The following KIAA1217 variants were observed in gnomAD, a reference collection of about 807,000 sequenced individuals.
KIAA1217 encodes the protein sickle tail protein homolog.
A neutral mutation model predicts 163.9 loss-of-function variants in KIAA1217; 88 were observed. The observed-to-expected ratio is 0.54, with a 90% CI of 0.45 to 0.64. The LOEUF (loss-of-function observed/expected upper bound fraction) is 0.64. Ranked by LOEUF, KIAA1217 falls within the 30% of genes least tolerant of loss-of-function variation. The pLI is 0.00. For missense variants in KIAA1217, 2,372 were observed against 2,475.0 expected, an observed-to-expected ratio of 0.96 and a Z score of 0.88; for synonymous variants, 903 against 923.1, an observed-to-expected ratio of 0.98 and a Z score of 0.39.
upstream of KIAA1217, among the ~76,000 whole-genome samples, chr10:24,205,527 A>C (rs575817427): frequency 5.3e-5 from 8 of 152,028 alleles, no homozygotes; most frequent in South Asian, 1.7e-3. Context: ...TAGTCCCAGC[A>C]CTTTGGGAGC....
At chr10:24,270,308 G>T (rs2076649777) in intron 2 of KIAA1217, among the ~76,000 whole-genome samples, 1 of 152,176 alleles carries the variant, frequency 6.6e-6, no homozygotes, top group South Asian at 2.1e-4. Context: ...ATATGAGCTT[G>T]GTCATAGGTG....
intron 10 of KIAA1217, 101 bp from the exon 11 acceptor site, chr10:24,520,022 G>T: frequency 7.4e-7 from 1 of 1,356,908 alleles, no homozygotes. Flanking sequence ...AGGAGCTGGG[G>T]CTCTACACAA....
At chr10:24,297,140 A>C (rs2040717574) in intron 2 of KIAA1217, among the ~76,000 whole-genome samples, 1 of 152,228 alleles carries the variant, frequency 6.6e-6, no homozygotes, top group Admixed American at 6.5e-5. Context: ...TACAGCTAAA[A>C]CCAGGCAAAA....
At chr10:23,843,051 G>A (rs1838863287) in intron 1 of KIAA1217, among the ~76,000 whole-genome samples, 1 of 152,078 alleles carries the variant, frequency 6.6e-6, no homozygotes. Flanking sequence ...AACCACTTAG[G>A]GTTAGTCGTG....
chr10:24,475,285 T>A (rs189304400), intron 6 of KIAA1217, among the ~76,000 whole-genome samples: 14 of 152,310 alleles, frequency 9.2e-5, no homozygotes, highest in Admixed American at 7.8e-4. Context: ...GAACCACTGC[T>A]TCTCACTAAA....
At chr10:24,248,964 C>T (rs912614796) in intron 2 of KIAA1217, among the ~76,000 whole-genome samples, 3 of 152,184 alleles carry the variant, frequency 2.0e-5, no homozygotes, top group Non-Finnish European at 4.4e-5. Flanking sequence ...TTTTTATATT[C>T]TCAAATCACT....
chr10:24,192,664 G>C (rs1256396784), intron 2 of KIAA1217, among the ~76,000 whole-genome samples: 1 of 152,226 alleles, frequency 6.6e-6, no homozygotes, highest in Non-Finnish European at 1.5e-5. Context: ...TCCCTCAGGG[G>C]CTTGGAGAAA....
chr10:24,082,569 A>G (rs573753030), intron 2 of KIAA1217, among the ~76,000 whole-genome samples: 6 of 152,206 alleles, frequency 3.9e-5, no homozygotes, highest in African/African-American at 4.8e-5. Context: ...TGCAGAGGAC[A>G]TGCTCTTTTT....
At position 24,517,362 on chromosome 10, in the gene KIAA1217, G is replaced by T. The variant is rs191034184; in HGVS notation, c.2178-2761G>T. 4.3e-4 allele frequency among the ~76,000 whole-genome samples: 66 copies of T among 152,240 alleles called. 1 individual carries two copies. The East Asian group carries it at 0.012, about 28-fold the overall frequency. On this transcript the variant is annotated intron_variant, in intron 10 of 20. Transcript: ENST00000376454. The stretch of plus-strand genomic sequence containing the variant: ...AGAAGAACTAGAATGTTTCTAGCAT[G>T]AAGAAAAGACAAATATTTAAGGTGA...
intron 3 of KIAA1217, among the ~76,000 whole-genome samples, chr10:24,403,791 A>C (rs2056850365): frequency 6.6e-6 from 1 of 152,182 alleles, no homozygotes; most frequent in Non-Finnish European, 1.5e-5. Flanking sequence ...GCAAATTAAA[A>C]CCACAGTGAG....
intron 3 of KIAA1217, among the ~76,000 whole-genome samples, chr10:24,391,122 A>C (rs1035426679): frequency 6.6e-6 from 1 of 152,158 alleles, no homozygotes; most frequent in Non-Finnish European, 1.5e-5. Context: ...CAAAAAAAAT[A>C]TATCTTCTAG....
intron 1 of KIAA1217, among the ~76,000 whole-genome samples, chr10:23,788,847 C>T (rs984532289): frequency 6.6e-6 from 1 of 152,186 alleles, no homozygotes; most frequent in African/African-American, 2.4e-5. Context: ...CTCAATGGCA[C>T]ATTTTAGATG....
At chr10:24,280,256 A>G (rs1040140554) in intron 2 of KIAA1217, among the ~76,000 whole-genome samples, 4 of 152,238 alleles carry the variant, frequency 2.6e-5, no homozygotes, top group Non-Finnish European at 5.9e-5. Context: ...TTGACTCACC[A>G]GATTTGGCAA....
chr10:23,940,749 G>C (rs1258044404), intron 1 of KIAA1217, among the ~76,000 whole-genome samples: 2 of 152,150 alleles, frequency 1.3e-5, no homozygotes, highest in South Asian at 2.1e-4. Flanking sequence ...TATATTCTGT[G>C]ACAAGGGAAT....
intron 5 of KIAA1217, among the ~76,000 whole-genome samples, chr10:24,449,955 T>C (rs2061262058): frequency 1.3e-5 from 2 of 152,150 alleles, no homozygotes; most frequent in Non-Finnish European, 2.9e-5. Context: ...CATTATTCTG[T>C]TTTTTTGAAA....
In KIAA1217 at chr10:23,751,123, G is replaced by A. The variant is rs555640569; in HGVS notation, c.-321+55889G>A. On this transcript the variant is annotated intron_variant, in intron 1 of 18. Coordinates refer to the KIAA1217 transcript ENST00000376462. ...GCTCACTGCAACCTCCACCTCCCAGGTTCAAGGAATTCTTGTGCCTCAGCC... is the reference window on the plus strand; with the variant it reads ...GCTCACTGCAACCTCCACCTCCCAGATTCAAGGAATTCTTGTGCCTCAGCC... Among the ~76,000 whole-genome samples the A allele has an allele frequency of 3.3e-5, 5 of 152,026 alleles. No homozygotes were observed. The South Asian group carries it at 8.3e-4, about 25-fold the overall frequency.
intron 1 of KIAA1217, among the ~76,000 whole-genome samples, chr10:23,881,854 AGACCAG>A (rs938175030): frequency 6.6e-5 from 10 of 151,922 alleles, no homozygotes; most frequent in Admixed American, 2.6e-4. Context: ...TACACCCTTA[AGACCAG>A]GTCACTTCCC....
At chr10:23,720,023 G>C (rs1198733773) in intron 1 of KIAA1217, among the ~76,000 whole-genome samples, 3 of 152,010 alleles carry the variant, frequency 2.0e-5, no homozygotes, top group Non-Finnish European at 2.9e-5. Flanking sequence ...CTGGGGAGAA[G>C]GGGGGAGGGT....
At chr10:24,037,248 C>T (rs1032029786) in intron 2 of KIAA1217, among the ~76,000 whole-genome samples, 3 of 152,060 alleles carry the variant, frequency 2.0e-5, no homozygotes, top group Non-Finnish European at 2.9e-5. Context: ...GGAGGATCAC[C>T]TGAGGTCAGG....
Sources: allele counts gnomAD v4.1 joint callset (sites outside exome capture counted in the v4.1 genomes callset), GRCh38; gene constraint gnomAD v4.1.1; transcripts MANE v1.5; gene names NCBI Gene and HGNC (gene_info 2026-07-23, HGNC 2026-07-21).